MYPN: variants seen among roughly 807,000 people sequenced by gnomAD.
MYPN encodes the protein myopalladin, also known as sarcomeric protein myopalladin, 145 kDa (MYOP).
A neutral mutation model predicts 129.4 loss-of-function variants in MYPN; 63 were observed. The observed-to-expected ratio is 0.49, with a 90% confidence interval of 0.40 to 0.60. MYPN has a LOEUF of 0.60. Among genes scored for constraint, MYPN ranks in the 20% least tolerant of loss-of-function variants. The pLI, the probability that MYPN is intolerant of heterozygous loss-of-function variation, is 0.00. For synonymous variants in MYPN, 629 were observed against 600.9 expected (o/e 1.05, Z -0.68); for missense variants, 1,596 against 1,635.4 (o/e 0.98, Z 0.42).
chr10:68,124,337 G>A (rs2042294536), intron 2 of MYPN, among the ~76,000 whole-genome samples: 1 of 152,130 alleles, frequency 6.6e-6, no homozygotes, highest in Admixed American at 6.5e-5. Flanking sequence ...CTTTGTGTTT[G>A]TAACTACCTG....
intron 6 of MYPN, among the ~76,000 whole-genome samples, chr10:68,151,297 C>G (rs538035116): frequency 6.6e-6 from 1 of 152,134 alleles, no homozygotes; most frequent in Non-Finnish European, 1.5e-5. Context: ...GAGTCTAGAG[C>G]GAACAACCAT....
chr10:68,145,346 T>A, intron 3 of MYPN, 129 bp from the exon 4 acceptor site: 4 of 755,670 alleles, frequency 5.3e-6, no homozygotes, highest in Non-Finnish European at 8.9e-6. Context: ...TTTCTAAGAT[T>A]CTGTAGGTAT....
At chr10:68,195,611 C>T in intron 15 of MYPN, 79 bp downstream of exon 15, 1 of 1,167,332 alleles carries the variant, frequency 8.6e-7, no homozygotes, top group Non-Finnish European at 1.3e-6. Flanking sequence ...AGTACTGGAT[C>T]CACAAATTCT....
At chr10:68,186,683 G>A (rs2043426523) in intron 12 of MYPN, among the ~76,000 whole-genome samples, 1 of 152,132 alleles carries the variant, frequency 6.6e-6, no homozygotes, top group South Asian at 2.1e-4. Flanking sequence ...AGATCTTATT[G>A]AGCGCTCACC....
At chr10:68,126,168 G>A (rs1169905150) in intron 2 of MYPN, among the ~76,000 whole-genome samples, 1 of 152,160 alleles carries the variant, frequency 6.6e-6, no homozygotes, top group Admixed American at 6.5e-5. Flanking sequence ...TAGGGTAAAG[G>A]TAAGAAAGAT....
intron 6 of MYPN, among the ~76,000 whole-genome samples, chr10:68,150,866 G>T (rs1323384820): frequency 6.6e-6 from 1 of 152,150 alleles, no homozygotes; most frequent in Non-Finnish European, 1.5e-5. Flanking sequence ...TCTATGCCTG[G>T]ATTTATTGTT....
At chr10:68,173,920 G>A (rs977854695) in intron 10 of MYPN, 146 bp from the exon 11 acceptor site, 10 of 722,466 alleles carry the variant, frequency 1.4e-5, no homozygotes, top group East Asian at 5.5e-5. Context: ...ACCTGTCTCC[G>A]CCTCCCAAAG....
At chr10:68,182,455 A>G (rs2043348093) in intron 12 of MYPN, among the ~76,000 whole-genome samples, 1 of 104,064 alleles carries the variant, frequency 9.6e-6, no homozygotes, top group African/African-American at 3.5e-5. Context: ...TATATAACAT[A>G]TATATATAAC....
At chr10:68,182,267 CAT>C (rs1215235051) in intron 12 of MYPN, among the ~76,000 whole-genome samples, 3,033 of 46,750 alleles carry the variant, frequency 0.065, 226 homozygotes, top group Non-Finnish European at 0.11. Flanking sequence ...ATATATATAA[CAT>C]ATATATAACA....
At chr10:68,169,457 C>T (rs918126452) in intron 10 of MYPN, among the ~76,000 whole-genome samples, 1 of 151,944 alleles carries the variant, frequency 6.6e-6, no homozygotes, top group Non-Finnish European at 1.5e-5. Flanking sequence ...TCAGGTACGT[C>T]GGTTAGGATT....
intron 11 of MYPN, 47 bp from the exon 12 acceptor site, chr10:68,175,276 T>G: frequency 6.2e-7 from 1 of 1,611,148 alleles, no homozygotes; most frequent in Non-Finnish European, 8.5e-7. Flanking sequence ...CTTTTTACCC[T>G]GGCCAGTGCT....
chr10:68,201,126 T>C (rs1475474540), intron 17 of MYPN, among the ~76,000 whole-genome samples: 1 of 152,144 alleles, frequency 6.6e-6, no homozygotes, highest in Non-Finnish European at 1.5e-5. Context: ...AAAATAAAAC[T>C]CCACCCCCAA....
At chr10:68,204,948 C>T (rs1048726790) in intron 18 of MYPN, among the ~76,000 whole-genome samples, 22 of 152,128 alleles carry the variant, frequency 1.4e-4, no homozygotes, top group Admixed American at 3.9e-4. Flanking sequence ...CACACCACCA[C>T]GCCTTTGTGC....
At chr10:68,207,007 C>T (rs560854407) in intron 19 of MYPN, 104 bp downstream of exon 19, 10 of 1,453,316 alleles carry the variant, frequency 6.9e-6, no homozygotes, top group Non-Finnish European at 9.4e-6. Flanking sequence ...CCTGTAATCC[C>T]AGCACTTTGG....
upstream of MYPN, chr10:68,106,559 C>T (rs1246029054): frequency 3.0e-6 from 2 of 675,750 alleles, no homozygotes; most frequent in African/African-American, 1.8e-5. Flanking sequence ...TTAGTTTTTT[C>T]ATCTGATACT....
chr10:68,140,671 G>A (rs896302136), intron 2 of MYPN, among the ~76,000 whole-genome samples: 4 of 152,158 alleles, frequency 2.6e-5, no homozygotes, highest in Admixed American at 2.6e-4. Context: ...AAAAACATGG[G>A]CAGAGACTTG....
At chr10:68,136,616 C>T in intron 2 of MYPN, 2 of 1,525,888 alleles carry the variant, frequency 1.3e-6, no homozygotes, top group Admixed American at 4.0e-5. Flanking sequence ...TGAGGCCATC[C>T]TGGCCATCTG....
chr10:68,191,811 G>C (rs971259505), intron 13 of MYPN, among the ~76,000 whole-genome samples: 1 of 152,132 alleles, frequency 6.6e-6, no homozygotes, highest in Non-Finnish European at 1.5e-5. Flanking sequence ...TTTTCAGAGT[G>C]ATTGCTGTTA....
At chr10:68,117,807 T>C (rs1299035988) in intron 1 of MYPN, among the ~76,000 whole-genome samples, 3 of 151,202 alleles carry the variant, frequency 2.0e-5, no homozygotes, top group Non-Finnish European at 2.9e-5. Context: ...ATTATTATTA[T>C]AGTAATAGTA....
Sources: allele counts gnomAD v4.1 joint callset (sites outside exome capture counted in the v4.1 genomes callset), GRCh38; gene constraint gnomAD v4.1.1; transcripts MANE v1.5; gene names NCBI Gene and HGNC (gene_info 2026-07-23, HGNC 2026-07-21).